The following SPAG9 variants were observed in gnomAD, a reference collection of about 807,000 sequenced individuals.
SPAG9 encodes C-Jun-amino-terminal kinase-interacting protein 4.
A neutral mutation model predicts 166.5 loss-of-function variants in SPAG9; 35 were observed. The ratio of observed to expected loss-of-function variants is 0.21; its 90% confidence interval spans 0.16 to 0.28. The LOEUF is 0.28. SPAG9 is among the 10% of genes least tolerant of loss of function. The pLI is 1.00. For synonymous variants in SPAG9, 534 were observed against 565.5 expected (o/e 0.94, Z 0.79); for missense variants, 1,235 against 1,603.3 (o/e 0.77, Z 3.92).
chr17:51,047,714 A>AC (rs2047068384), intron 3 of SPAG9, among the ~76,000 whole-genome samples: 1 of 151,818 alleles, frequency 6.6e-6, no homozygotes, highest in Admixed American at 6.6e-5. Flanking sequence ...AAAAAAAAAA[A>AC]AAAACCCACT....
At chr17:50,972,749 G>A (rs565792630) in intron 28 of SPAG9, among the ~76,000 whole-genome samples, 1 of 152,316 alleles carries the variant, frequency 6.6e-6, no homozygotes, top group Non-Finnish European at 1.5e-5. Context: ...ATTCATTCAT[G>A]CATTACTCAA....
Position 51,120,229 on chromosome 17 carries a change from G to C in SPAG9, c.303+125C>G. ...GAGGCCGCCGGGATCGGTCCCAGGG[G>C]GCATCGGCCTCAGGCCCGCCCTCCA... is the stretch of plus-strand genomic sequence containing the variant. On this transcript the variant is annotated intron_variant, in intron 1 of 29. Coordinates refer to ENST00000262013, the MANE Select transcript of SPAG9 (RefSeq NM_001130528.3). This position sits in a 1 kb window ranked among gnomAD's most constrained non-coding sequence, Gnocchi z 4.7. 4.9e-6 allele frequency: 4 copies of C among 820,714 alleles called. No individual in the cohort carries two copies. The highest frequency in any genetic ancestry group is 7.1e-6 in the Non-Finnish European group (4 of 562,852). 50.8% of individuals were successfully genotyped at this position (820,714 alleles called of 1,614,324 possible). A position where few individuals can be genotyped will look rare whatever the true frequency, so the allele number is the denominator to read the frequency against.
At chr17:50,993,034 T>G (rs1269535880) in intron 19 of SPAG9, among the ~76,000 whole-genome samples, 1 of 148,108 alleles carries the variant, frequency 6.8e-6, no homozygotes, top group African/African-American at 2.5e-5. Flanking sequence ...AGGTAGAGGT[T>G]GCAGTAAGCC....
At position 50,974,923 on chromosome 17, in the gene SPAG9, C is replaced by G; in HGVS notation, c.3548G>C (p.Gly1183Ala). Residue 1183 changes from glycine to alanine, a missense_variant, in exon 28 of 30, where the codon GGA (glycine) becomes GCA (alanine). Transcript: ENST00000262013. ...ACGGATTACACTTCCAGGACGATTT[C>G]CTGGTACACCTGAGGTTTTATTTGC... ...TETNKTSGVP[G>A]NRPGSVIRVY... 1 of 1,609,712 alleles carries G rather than the reference C, an allele frequency of 6.2e-7. No individual in the cohort carries two copies. The highest frequency in any genetic ancestry group is 8.5e-7 in the Non-Finnish European group (1 of 1,178,992).
chr17:51,063,315 G>C (rs1386111822), intron 2 of SPAG9, among the ~76,000 whole-genome samples: 2 of 151,880 alleles, frequency 1.3e-5, no homozygotes, highest in Admixed American at 6.6e-5. Context: ...GGGAGGCTGA[G>C]GCAGGAGGAT....
intron 3 of SPAG9, among the ~76,000 whole-genome samples, chr17:51,048,595 C>T (rs2047095199): frequency 6.6e-6 from 1 of 151,720 alleles, no homozygotes; most frequent in Non-Finnish European, 1.5e-5. Context: ...TGCACTGTAG[C>T]ATATTAAGTA....
At chr17:51,030,466 C>A (rs2046342092) in intron 6 of SPAG9, among the ~76,000 whole-genome samples, 1 of 152,156 alleles carries the variant, frequency 6.6e-6, no homozygotes, top group South Asian at 2.1e-4. Context: ...CACAAATATA[C>A]TTTTATACCT....
intron 3 of SPAG9, 127 bp from the exon 4 acceptor site, chr17:51,047,596 G>T: frequency 2.5e-6 from 1 of 393,552 alleles, no homozygotes; most frequent in Non-Finnish European, 4.5e-6. Context: ...TTCCAAGTAA[G>T]AGAATATTAA....
intron 6 of SPAG9, among the ~76,000 whole-genome samples, chr17:51,024,624 A>T (rs958383125): frequency 7.9e-5 from 12 of 151,810 alleles, no homozygotes; most frequent in Non-Finnish European, 1.2e-4. Context: ...GAGGCAGGAG[A>T]ATCACTTGAA....
chr17:51,070,142 A>T (rs2047783925), intron 2 of SPAG9, among the ~76,000 whole-genome samples: 1 of 145,980 alleles, frequency 6.9e-6, no homozygotes, highest in Non-Finnish European at 1.5e-5. Flanking sequence ...AGTACTCACT[A>T]AAAAAAAAAT....
intron 1 of SPAG9, among the ~76,000 whole-genome samples, chr17:51,101,345 C>CA (rs60896400): frequency 0.032 from 2,919 of 91,712 alleles, 147 homozygotes; most frequent in East Asian, 0.15. Flanking sequence ...GATTCTGTCT[C>CA]AAAAAAAAAA....
rs1973345847 is a variant in SPAG9 at position 50,966,087 on chromosome 17, A to C, written c.*185T>G. ...AAGTTACCTATAACACTGGTGCAGT[A>C]ACACAGCTAGTTCCTCTGTATTGTT... On this transcript the variant is annotated 3_prime_UTR_variant, in exon 30 of 30. Transcript: ENST00000262013. 3.5e-6 allele frequency: 2 copies of C among 579,164 alleles called. No individual in the cohort carries two copies. Among genetic ancestry groups the C allele is most frequent in the South Asian group, 4.0e-5 (2 of 49,478 alleles). The allele number at this position is 579,164 out of a possible 1,614,324, so 35.9% of individuals were successfully genotyped here.
chr17:50,996,531 C>T, intron 16 of SPAG9, 34 bp downstream of exon 16: 1 of 1,613,372 alleles, frequency 6.2e-7, no homozygotes, highest in Non-Finnish European at 8.5e-7. Context: ...CCTCTTCTTT[C>T]CTGCTGGATG....
intron 3 of SPAG9, among the ~76,000 whole-genome samples, chr17:51,055,251 G>A (rs1433944243): frequency 7.9e-5 from 12 of 152,018 alleles, no homozygotes; most frequent in Admixed American, 7.9e-4. Context: ...TACTTGGGAG[G>A]CTGAGGGAGG....
chr17:51,030,234 T>C (rs569175611), intron 6 of SPAG9, among the ~76,000 whole-genome samples: 1 of 152,298 alleles, frequency 6.6e-6, no homozygotes, highest in African/African-American at 2.4e-5. Context: ...AAACTATGTT[T>C]ACAACTAGAG....
intron 1 of SPAG9, among the ~76,000 whole-genome samples, chr17:51,087,366 A>G (rs2048331889): frequency 6.6e-6 from 1 of 152,230 alleles, no homozygotes; most frequent in Admixed American, 6.5e-5. Context: ...AGGAATAGAA[A>G]CAGAGACGGT....
intron 1 of SPAG9, among the ~76,000 whole-genome samples, chr17:51,106,826 G>A (rs961126732): frequency 1.3e-5 from 2 of 151,372 alleles, no homozygotes; most frequent in African/African-American, 2.4e-5. Context: ...AAAAAAGTCC[G>A]GGTGCAGTGG....
intron 1 of SPAG9, among the ~76,000 whole-genome samples, chr17:51,109,526 C>T (rs983367561): frequency 6.6e-6 from 1 of 152,086 alleles, no homozygotes; most frequent in East Asian, 1.9e-4. Flanking sequence ...TGAGCCACTG[C>T]GTCCGGCCTC....
At chr17:51,041,984 A>T (rs992952565) in intron 4 of SPAG9, among the ~76,000 whole-genome samples, 1 of 152,154 alleles carries the variant, frequency 6.6e-6, no homozygotes, top group Admixed American at 6.5e-5. Flanking sequence ...AACCATACGT[A>T]GCTTAGCCCT....
Sources: gnomAD v4.1 joint callset for allele counts (sites outside exome capture counted in the v4.1 genomes callset) on GRCh38, gnomAD v4.1.1 for gene constraint, Gnocchi (gnomAD v3.1) non-coding constraint, MANE v1.5 for transcripts, NCBI Gene and HGNC (gene_info 2026-07-23, HGNC 2026-07-21) for gene names.